EXOC6: variants seen among roughly 807,000 people sequenced by gnomAD.
EXOC6 encodes the protein SEC15-like 1.
A neutral mutation model predicts 112.5 loss-of-function variants in EXOC6; 60 were observed. The ratio of observed to expected loss-of-function variants is 0.53; its 90% CI spans 0.43 to 0.66. The LOEUF is 0.66. Among genes scored for constraint, EXOC6 ranks in the 30% least tolerant of loss-of-function variants. The probability of loss-of-function intolerance (pLI) is 0.00; values close to 1 mark genes in which losing one functional copy is unlikely to be tolerated. For missense variants in EXOC6, 855 were observed against 957.1 expected (o/e 0.89, Z 1.41); for synonymous variants, 295 against 308.0 (o/e 0.96, Z 0.44).
intron 20 of EXOC6, among the ~76,000 whole-genome samples, chr10:93,034,525 C>G (rs1845422814): frequency 6.6e-6 from 1 of 152,154 alleles, no homozygotes; most frequent in Non-Finnish European, 1.5e-5. Flanking sequence ...GTATTTGACT[C>G]AAAATGAACA....
intron 20 of EXOC6, among the ~76,000 whole-genome samples, chr10:93,047,289 C>T (rs1846041734): frequency 6.6e-6 from 1 of 152,052 alleles, no homozygotes; most frequent in Admixed American, 6.6e-5. Flanking sequence ...ATAATCCCAG[C>T]ACTTTGGGAG....
rs548785225 is a variant in EXOC6, at chr10:92,971,710, A to G, written c.1774-2343A>G. Among the ~76,000 whole-genome samples, 25 of 152,108 alleles carry G rather than the reference A, an allele frequency of 1.6e-4. No homozygotes were observed. The South Asian group carries it at 4.6e-3, about 28-fold the overall frequency. On this transcript the variant is annotated intron_variant, in intron 17 of 21. Coordinates refer to ENST00000260762, the MANE Select transcript of EXOC6 (RefSeq NM_019053.6). ...TTCTATTTATATTCCCTATTTATTG[A>G]TGTATTCTCATAATTTTCTTTTAGT...
Position 92,896,147 on chromosome 10 carries a change from G to GTGTGTGTGTGTGTATA in EXOC6, c.412+1128_412+1129insGTGTGTGTGTGTATAT, listed in dbSNP as rs1432410468. The stretch of plus-strand genomic sequence containing the variant: ...TGTGTGTGTGTGTGTGTATGTATGT[G>GTGTGTGTGTGTGTATA]TATATATATATATATATATATATAT... On this transcript the variant is annotated intron_variant, in intron 4 of 21. Coordinates refer to ENST00000260762, the MANE Select transcript of EXOC6 (RefSeq NM_019053.6). 2.5e-4 allele frequency among the ~76,000 whole-genome samples: 6 copies of GTGTGTGTGTGTGTATA among 24,486 alleles called. 1 individual carries two copies. The highest frequency in any genetic ancestry group is 1.4e-3 in the African/African-American group (6 of 4,368). The allele number at this position is 24,486 out of a possible 152,430, so 16.1% of individuals were successfully genotyped here. A position where few individuals can be genotyped will look rare whatever the true frequency, so the allele number is the denominator to read the frequency against.
chr10:92,828,730 A>G (rs201819686), intron 1 of EXOC6, among the ~76,000 whole-genome samples: 2 of 110,104 alleles, frequency 1.8e-5, no homozygotes, highest in Admixed American at 9.8e-5. Context: ...GTGTGTGTGT[A>G]TTTTTTTTTT....
chr10:92,958,483 CT>C (rs1028238765), intron 17 of EXOC6, among the ~76,000 whole-genome samples: 2 of 151,874 alleles, frequency 1.3e-5, no homozygotes, highest in African/African-American at 4.8e-5. Context: ...TCTAACTTGC[CT>C]TTTTTTTGTT....
At chr10:92,973,603 C>T (rs901068041) in intron 17 of EXOC6, among the ~76,000 whole-genome samples, 2 of 152,184 alleles carry the variant, frequency 1.3e-5, no homozygotes, top group African/African-American at 2.4e-5. Flanking sequence ...ATCTCTTTCT[C>T]TTCTGCCTCC....
chr10:93,016,099 G>C (rs1844496585), intron 20 of EXOC6, among the ~76,000 whole-genome samples: 1 of 152,066 alleles, frequency 6.6e-6, no homozygotes, highest in Non-Finnish European at 1.5e-5. Flanking sequence ...CTAAGTAAAT[G>C]ACTATTATTT....
chr10:92,862,413 A>G (rs371908393), intron 1 of EXOC6, among the ~76,000 whole-genome samples: 1 of 151,886 alleles, frequency 6.6e-6, no homozygotes, highest in Non-Finnish European at 1.5e-5. Flanking sequence ...TAGTTAGGTC[A>G]TGAGGGCACA....
chr10:92,956,017 T>C (rs1564860790), intron 17 of EXOC6, among the ~76,000 whole-genome samples: 1 of 152,180 alleles, frequency 6.6e-6, no homozygotes, highest in Non-Finnish European at 1.5e-5. Context: ...AAATTAATTC[T>C]ATATGAGTGT....
chr10:92,909,039 A>G (rs1326843981), intron 5 of EXOC6, among the ~76,000 whole-genome samples: 3 of 152,174 alleles, frequency 2.0e-5, no homozygotes, highest in Non-Finnish European at 4.4e-5. Context: ...TTGTGTGGTG[A>G]TACTGTGTGG....
At chr10:92,839,664 C>T (rs1564762133) in intron 1 of EXOC6, among the ~76,000 whole-genome samples, 1 of 152,148 alleles carries the variant, frequency 6.6e-6, no homozygotes, top group Non-Finnish European at 1.5e-5. Flanking sequence ...CGTGATGCCC[C>T]TTGGGGTCCT....
chr10:93,038,909 A>G lies in EXOC6; in HGVS notation c.2170-18015A>G, dbSNP rs532129436. ...CACTTTAGGAAGTTATCAATGGCCC[A>G]TAGAGCCACCTATCTTCTAATTTAG... is the stretch of plus-strand genomic sequence containing the variant. On this transcript the variant is annotated intron_variant, in intron 20 of 21. Coordinates refer to ENST00000260762, the MANE Select transcript of EXOC6 (RefSeq NM_019053.6). Among the ~76,000 whole-genome samples, 21 of 152,352 alleles carry G rather than the reference A, an allele frequency of 1.4e-4. 1 individual carries two copies. The East Asian group carries it at 3.9e-3, about 28-fold the overall frequency.
intron 1 of EXOC6, among the ~76,000 whole-genome samples, chr10:92,887,390 A>ATTTTTTTTTTTTTTTTTTTTTTT (rs11304638): frequency 1.2e-5 from 1 of 83,772 alleles, no homozygotes; most frequent in East Asian, 4.2e-4. Context: ...GATTAATTTA[A>ATTTTTTTTTTTTTTTTTTTTTTT]TTTTTTTTTT....
At position 92,928,408 on chromosome 10, in the gene EXOC6, C is replaced by G. The variant is rs1434648880; in HGVS notation, c.958C>G (p.Pro320Ala). The change falls in exon 9 of 22, where the codon CCC becomes GCC. Residue 320 changes from proline (P) to alanine (A), a missense_variant. This residue lies in a region of EXOC6 where 405 missense variants were observed against 393.6 expected (regional missense o/e 1.03). Transcript: ENST00000260762. ...GAAACAAGCAAGACTGGTATTGCAA[C>G]CCCAGTCGAATATGGTAAGTATGCG... Reference protein sequence around the residue: ...RKKQARLVLQPQSNMHETVDG... With the variant: ...RKKQARLVLQAQSNMHETVDG... 17 of 1,601,924 alleles carry G rather than the reference C, an allele frequency of 1.1e-5. No individual in the cohort carries two copies. Among genetic ancestry groups the G allele is most frequent in the Non-Finnish European group, 1.5e-5 (17 of 1,170,948 alleles).
At chr10:92,899,379 A>G (rs181109891) in intron 4 of EXOC6, among the ~76,000 whole-genome samples, 9 of 152,104 alleles carry the variant, frequency 5.9e-5, no homozygotes, top group Non-Finnish European at 1.0e-4. Context: ...ATATGTATAT[A>G]TGTGTGTGTG....
intron 1 of EXOC6, among the ~76,000 whole-genome samples, chr10:92,888,275 A>G (rs2133795310): frequency 6.6e-6 from 1 of 152,328 alleles, no homozygotes; most frequent in East Asian, 1.9e-4. Flanking sequence ...GCACAACAGA[A>G]AAAGAGGAGT....
chr10:92,832,854 G>C (rs542037757), upstream of EXOC6, among the ~76,000 whole-genome samples: 13 of 151,124 alleles, frequency 8.6e-5, no homozygotes, highest in African/African-American at 2.9e-4. Context: ...GTAGAGACAG[G>C]GTCTCGCCCT....
Position 92,973,631 on chromosome 10 carries a change from A to G in EXOC6, c.1774-422A>G, listed in dbSNP as rs1030432919. 3.3e-5 allele frequency among the ~76,000 whole-genome samples: 5 copies of G among 152,288 alleles called. No homozygotes were observed. The East Asian group carries it at 7.7e-4, about 24-fold the overall frequency. ...CTGCCTCCACCCCTGCTTAAACTCAAAGCACTGGCAGATATTCCATTTCTT... is the reference window on the plus strand; with the variant it reads ...CTGCCTCCACCCCTGCTTAAACTCAGAGCACTGGCAGATATTCCATTTCTT... On this transcript the variant is annotated intron_variant, in intron 17 of 21. Transcript: ENST00000260762.
intron 19 of EXOC6, among the ~76,000 whole-genome samples, chr10:93,003,456 CT>C (rs962325231): frequency 1.4e-4 from 21 of 151,918 alleles, no homozygotes; most frequent in Non-Finnish European, 2.4e-4. Flanking sequence ...TGTTGGTGCT[CT>C]TTTTTTTGGT....
Sources: allele counts gnomAD v4.1 joint callset (sites outside exome capture counted in the v4.1 genomes callset), GRCh38; gene constraint gnomAD v4.1.1; regional missense constraint gnomAD v4.1.1; transcripts MANE v1.5; gene names NCBI Gene and HGNC (gene_info 2026-07-23, HGNC 2026-07-21).